Variants in SYT1 observed in about 807,000 individuals in gnomAD.
SYT1 encodes the protein synaptotagmin 1.
SYT1 carries 8 observed loss-of-function variants against 44.8 expected under a neutral mutation model. That is an observed-to-expected ratio of 0.18 (90% CI 0.10 to 0.32). SYT1 has a LOEUF of 0.32. Among genes scored for constraint, SYT1 ranks in the 10% least tolerant of loss-of-function variants. The pLI, the probability that SYT1 is intolerant of heterozygous loss-of-function variation, is 1.00. For missense variants in SYT1, 286 were observed against 509.3 expected (o/e 0.56, Z 4.22); for synonymous variants, 154 against 188.8 (o/e 0.82, Z 1.51).
At chr12:78,948,643 T>C (rs889549809) in intron 1 of SYT1, among the ~76,000 whole-genome samples, 1 of 151,974 alleles carries the variant, frequency 6.6e-6, no homozygotes, top group Admixed American at 6.6e-5. Context: ...ACCTAAGGCA[T>C]GACAAGTGGG....
At chr12:78,900,470 C>T (rs1436687480) in intron 1 of SYT1, among the ~76,000 whole-genome samples, 5 of 151,994 alleles carry the variant, frequency 3.3e-5, no homozygotes. Flanking sequence ...TCAAGGAAGT[C>T]TCCTTTGAAC....
At chr12:79,265,589 T>G (rs998577640) in intron 4 of SYT1, among the ~76,000 whole-genome samples, 9 of 152,110 alleles carry the variant, frequency 5.9e-5, no homozygotes, top group South Asian at 2.1e-4. Context: ...GGAAAGAGTA[T>G]GAAAGCTGAA....
intron 2 of SYT1, among the ~76,000 whole-genome samples, chr12:79,027,472 G>A (rs1872604047): frequency 1.3e-5 from 2 of 151,078 alleles, no homozygotes; most frequent in African/African-American, 4.8e-5. Flanking sequence ...GCATATATAA[G>A]GCATATAAAT....
chr12:78,906,796 T>C (rs1876009358), intron 1 of SYT1, among the ~76,000 whole-genome samples: 1 of 152,086 alleles, frequency 6.6e-6, no homozygotes, highest in Non-Finnish European at 1.5e-5. Flanking sequence ...ACGGTATCCC[T>C]AGGCCGTATT....
At chr12:79,076,383 G>A (rs1466076564) in intron 3 of SYT1, among the ~76,000 whole-genome samples, 3 of 152,006 alleles carry the variant, frequency 2.0e-5, no homozygotes, top group African/African-American at 7.3e-5. Flanking sequence ...TTGTGGTAGC[G>A]TGTTCTGAAC....
At chr12:79,363,925 T>A (rs958218079) in intron 9 of SYT1, among the ~76,000 whole-genome samples, 10 of 152,202 alleles carry the variant, frequency 6.6e-5, no homozygotes, top group African/African-American at 2.4e-4. Flanking sequence ...TGTCTACTTA[T>A]GTCTGTGTTC....
chr12:79,046,404 T>C (rs1874060368), intron 2 of SYT1: 1 of 152,296 alleles, frequency 6.6e-6, no homozygotes, highest in East Asian at 1.9e-4. Flanking sequence ...ATTTTCATGA[T>C]ACCTAAATTT....
At chr12:79,308,560 AAAGGAAAAG>A (rs1880548246) in intron 8 of SYT1, among the ~76,000 whole-genome samples, 1 of 149,168 alleles carries the variant, frequency 6.7e-6, no homozygotes, top group Non-Finnish European at 1.5e-5. Flanking sequence ...AAAAAGAAAG[AAAGGAAAAG>A]AAAGAAAAGA....
intron 4 of SYT1, among the ~76,000 whole-genome samples, chr12:79,231,345 G>T (rs1875855035): frequency 1.3e-5 from 2 of 152,184 alleles, no homozygotes; most frequent in South Asian, 4.2e-4. Flanking sequence ...TTGAAATAAA[G>T]ATTAAGAAAA....
chr12:78,893,113 T>A (rs927002245), intron 1 of SYT1, among the ~76,000 whole-genome samples: 4 of 151,820 alleles, frequency 2.6e-5, no homozygotes, highest in Non-Finnish European at 5.9e-5. Flanking sequence ...TGCATGTACT[T>A]ACTGAGGAGG....
chr12:79,263,618 C>T (rs1422228980), intron 4 of SYT1, among the ~76,000 whole-genome samples: 2 of 152,024 alleles, frequency 1.3e-5, no homozygotes, highest in Admixed American at 6.6e-5. Context: ...AGGTTAAAAA[C>T]ATTATAATAT....
intron 1 of SYT1, among the ~76,000 whole-genome samples, chr12:78,940,459 G>A (rs1878288832): frequency 1.3e-5 from 2 of 152,114 alleles, no homozygotes; most frequent in Admixed American, 1.3e-4. Context: ...GCCCAATCAT[G>A]GCTTGCTGCA....
chr12:79,396,532 C>A (rs984275540), intron 9 of SYT1, among the ~76,000 whole-genome samples: 17 of 152,072 alleles, frequency 1.1e-4, no homozygotes, highest in African/African-American at 3.9e-4. Flanking sequence ...GATACTAATC[C>A]AGTACAAAAC....
chr12:79,293,074 A>T (rs1879666551), intron 6 of SYT1, among the ~76,000 whole-genome samples: 1 of 151,418 alleles, frequency 6.6e-6, no homozygotes, highest in Admixed American at 6.6e-5. Flanking sequence ...GCACTTTGGG[A>T]GGCCAAGGCA....
chr12:79,147,047 G>C (rs956311189), intron 3 of SYT1, among the ~76,000 whole-genome samples: 3 of 152,046 alleles, frequency 2.0e-5, no homozygotes, highest in Admixed American at 6.6e-5. Context: ...CACCATATTG[G>C]CCAGGCTGGT....
chr12:79,067,994 A>G (rs1875993591), intron 3 of SYT1, among the ~76,000 whole-genome samples: 2 of 152,194 alleles, frequency 1.3e-5, no homozygotes, highest in African/African-American at 4.8e-5. Context: ...CACCCATGAG[A>G]CAAGCCTTAA....
At chr12:79,117,836 AC>A (rs1340471354) in intron 3 of SYT1, among the ~76,000 whole-genome samples, 1 of 151,174 alleles carries the variant, frequency 6.6e-6, no homozygotes, top group Non-Finnish European at 1.5e-5. Context: ...TGTCATAAAT[AC>A]TTTTGTATGA....
intron 9 of SYT1, among the ~76,000 whole-genome samples, chr12:79,380,166 C>G (rs1029301604): frequency 6.6e-6 from 1 of 152,090 alleles, no homozygotes; most frequent in Non-Finnish European, 1.5e-5. Flanking sequence ...ATTTCTTCAC[C>G]ACTGCCACCC....
intron 9 of SYT1, among the ~76,000 whole-genome samples, chr12:79,399,064 A>T (rs2136109914): frequency 6.6e-6 from 1 of 152,330 alleles, no homozygotes; most frequent in South Asian, 2.1e-4. Flanking sequence ...CAACATTAAT[A>T]CATAGTCCAG....
Sources: allele counts gnomAD v4.1 joint callset (sites outside exome capture counted in the v4.1 genomes callset), GRCh38; gene constraint gnomAD v4.1.1; transcripts MANE v1.5; gene names NCBI Gene and HGNC (gene_info 2026-07-23, HGNC 2026-07-21).